Variants in XKR4 observed in about 807,000 individuals in gnomAD.
The protein encoded by XKR4 is XK-related protein 4.
In XKR4, 12 loss-of-function variants were observed where a neutral mutation model predicts 53.9. That is an observed-to-expected ratio of 0.22 (90% CI 0.14 to 0.36). XKR4 has a LOEUF of 0.36. Ranked by LOEUF, XKR4 falls within the 10% of genes least tolerant of loss-of-function variation. XKR4 has a pLI of 1.00. For synonymous variants in XKR4, 354 were observed against 362.4 expected (o/e 0.98, Z 0.26); for missense variants, 799 against 859.5 (o/e 0.93, Z 0.88).
intron 1 of XKR4, among the ~76,000 whole-genome samples, chr8:55,166,827 A>C (rs751418522): frequency 2.0e-5 from 3 of 152,228 alleles, no homozygotes; most frequent in Non-Finnish European, 4.4e-5. Flanking sequence ...GACCAAACCC[A>C]GTACCATCTG....
chr8:55,219,127 A>G (rs1268715929), intron 1 of XKR4, among the ~76,000 whole-genome samples: 2 of 152,042 alleles, frequency 1.3e-5, no homozygotes, highest in South Asian at 2.1e-4. Context: ...GCCATTCTCC[A>G]AGCAATCAGG....
rs1239694618 is a variant in XKR4, at chr8:55,272,949, C to T, written c.807-84729C>T. The T allele has an allele frequency of 8.9e-6, 4 of 448,528 alleles. No individual in the cohort carries two copies. In the East Asian group the frequency reaches 2.1e-4, roughly 23 times the overall value. The allele number at this position is 448,528 out of a possible 1,614,324, so 27.8% of individuals were successfully genotyped here. A position where few individuals can be genotyped will look rare whatever the true frequency, so the allele number is the denominator to read the frequency against. ...TAAACTTCTCGGATAAACACCACTG[C>T]CTACATTGGAACAATTAACTGAATT... On this transcript the variant is annotated intron_variant, in intron 1 of 2. Coordinates refer to ENST00000327381, the MANE Select transcript of XKR4 (RefSeq NM_052898.2).
chr8:55,479,969 G>A (rs961287946), intron 2 of XKR4, among the ~76,000 whole-genome samples: 14 of 152,142 alleles, frequency 9.2e-5, no homozygotes, highest in Admixed American at 4.6e-4. Flanking sequence ...TTTTACCAGA[G>A]GTACAAGGAG....
intron 1 of XKR4, among the ~76,000 whole-genome samples, chr8:55,128,030 G>A (rs577883363): frequency 9.9e-5 from 15 of 152,052 alleles, no homozygotes; most frequent in South Asian, 4.2e-4. Flanking sequence ...GAATAGTCTC[G>A]CAATACACAT....
chr8:55,515,971 G>C (rs924596954), intron 2 of XKR4, among the ~76,000 whole-genome samples: 1 of 152,192 alleles, frequency 6.6e-6, no homozygotes, highest in South Asian at 2.1e-4. Context: ...GTGGTGGATG[G>C]AGCTTTGGAA....
chr8:55,430,987 T>C (rs939128838), intron 2 of XKR4, among the ~76,000 whole-genome samples: 1 of 152,220 alleles, frequency 6.6e-6, no homozygotes, highest in African/African-American at 2.4e-5. Context: ...CCCTAGCAGT[T>C]ACCATGGGCA....
In XKR4 at chr8:55,102,261, C is replaced by T; in HGVS notation, c.-228C>T. ...GAGCAGCTTGGCTCCGCGCAGGCAGCCAGGCGGCGCTCCTGCCGGCCCCAG... is the reference window on the plus strand; with the variant it reads ...GAGCAGCTTGGCTCCGCGCAGGCAGTCAGGCGGCGCTCCTGCCGGCCCCAG... On this transcript the variant is annotated 5_prime_UTR_variant, in exon 1 of 3. Coordinates refer to ENST00000327381, the MANE Select transcript of XKR4 (RefSeq NM_052898.2). The surrounding 1 kb of genome is among the most constrained non-coding windows in gnomAD (Gnocchi z 5.1). 2.6e-6 allele frequency: 1 copy of T among 377,792 alleles called. No homozygotes were observed. The allele number at this position is 377,792 out of a possible 1,614,324, so 23.4% of individuals were successfully genotyped here.
chr8:55,461,499 G>A (rs914637395), intron 2 of XKR4, among the ~76,000 whole-genome samples: 3 of 152,072 alleles, frequency 2.0e-5, no homozygotes, highest in African/African-American at 4.8e-5. Flanking sequence ...AAGACCAAAG[G>A]TAGATAAAAC....
chr8:55,175,152 C>T (rs889056906), intron 1 of XKR4, among the ~76,000 whole-genome samples: 48 of 152,170 alleles, frequency 3.2e-4, no homozygotes, highest in African/African-American at 1.2e-3. Flanking sequence ...TCATCATTCA[C>T]GTGAGATTTG....
intron 1 of XKR4, among the ~76,000 whole-genome samples, chr8:55,276,022 A>G (rs1818758416): frequency 6.6e-6 from 1 of 152,250 alleles, no homozygotes; most frequent in Non-Finnish European, 1.5e-5. Context: ...TAACTCTTCC[A>G]AATCTTTCTT....
intron 2 of XKR4, among the ~76,000 whole-genome samples, chr8:55,441,867 G>T (rs181791004): frequency 6.6e-6 from 1 of 151,636 alleles, no homozygotes; most frequent in East Asian, 1.9e-4. Flanking sequence ...GTGTTTAGAA[G>T]AAAACAATAA....
At chr8:55,256,028 G>C (rs1173174291) in intron 1 of XKR4, among the ~76,000 whole-genome samples, 1 of 151,560 alleles carries the variant, frequency 6.6e-6, no homozygotes, top group Non-Finnish European at 1.5e-5. Flanking sequence ...AGTAGAAAAG[G>C]GATGCCCCTT....
intron 2 of XKR4, among the ~76,000 whole-genome samples, chr8:55,479,472 A>C (rs748929780): frequency 4.1e-4 from 62 of 152,118 alleles, no homozygotes; most frequent in Non-Finnish European, 1.9e-4. Flanking sequence ...TGACACCCTA[A>C]CATCAAAATT....
At chr8:55,430,550 C>T (rs550875627) in intron 2 of XKR4, among the ~76,000 whole-genome samples, 9 of 152,270 alleles carry the variant, frequency 5.9e-5, no homozygotes, top group East Asian at 1.9e-4. Flanking sequence ...TGGCTGAAAA[C>T]GGTGATGGAA....
At chr8:55,307,391 A>C (rs1302876062) in intron 1 of XKR4, among the ~76,000 whole-genome samples, 2 of 152,230 alleles carry the variant, frequency 1.3e-5, no homozygotes, top group African/African-American at 4.8e-5. Flanking sequence ...TCACACCTGT[A>C]ATAATCTCCC....
chr8:55,462,626 A>G (rs1408406689), intron 2 of XKR4, among the ~76,000 whole-genome samples: 3 of 152,304 alleles, frequency 2.0e-5, no homozygotes, highest in East Asian at 3.9e-4. Context: ...ACATAACAAT[A>G]CTAACCTTAA....
intron 2 of XKR4, among the ~76,000 whole-genome samples, chr8:55,477,155 C>T (rs905823743): frequency 2.0e-5 from 3 of 152,122 alleles, no homozygotes; most frequent in Admixed American, 2.0e-4. Context: ...TAGGGGCAGA[C>T]TGACACCTCA....
At chr8:55,437,341 A>G (rs1300951902) in intron 2 of XKR4, among the ~76,000 whole-genome samples, 1 of 152,042 alleles carries the variant, frequency 6.6e-6, no homozygotes, top group African/African-American at 2.4e-5. Flanking sequence ...TCAATTTTCA[A>G]TATTAAGGGA....
chr8:55,256,160 G>A (rs1818437155), intron 1 of XKR4, among the ~76,000 whole-genome samples: 1 of 152,038 alleles, frequency 6.6e-6, no homozygotes, highest in Admixed American at 6.6e-5. Context: ...CACAAAATTA[G>A]GTGGAGACTT....
Sources: gnomAD v4.1 joint callset for allele counts (sites outside exome capture counted in the v4.1 genomes callset) on GRCh38, gnomAD v4.1.1 for gene constraint, Gnocchi (gnomAD v3.1) non-coding constraint, MANE v1.5 for transcripts, NCBI Gene and HGNC (gene_info 2026-07-23, HGNC 2026-07-21) for gene names.